Variants in HTR2C observed in about 807,000 individuals in gnomAD.
HTR2C encodes 5-hydroxytryptamine (serotonin) receptor 2C, G protein-coupled.
A neutral mutation model predicts 21.0 loss-of-function variants in HTR2C; 5 were observed. That is an observed-to-expected ratio of 0.24 (90% confidence interval 0.12 to 0.50). HTR2C has a LOEUF of 0.50. Among genes scored for constraint, HTR2C ranks in the 20% least tolerant of loss-of-function variants. HTR2C has a pLI of 0.98. For missense variants in HTR2C, 271 were observed against 371.2 expected (o/e 0.73, Z 2.22); for synonymous variants, 150 against 145.3 (o/e 1.03, Z -0.23).
intron 2 of HTR2C, among the ~76,000 whole-genome samples, chrX:114,671,900 T>C (rs1931390182): frequency 1.8e-5 from 2 of 111,838 alleles, no homozygotes; most frequent in African/African-American, 6.5e-5. Flanking sequence ...ACTCGCAACA[T>C]ACTTGAGCAT....
At chrX:114,605,976 C>T (rs1313666259) in intron 1 of HTR2C, among the ~76,000 whole-genome samples, 5 of 95,478 alleles carry the variant, frequency 5.2e-5, no homozygotes, top group African/African-American at 8.1e-5. Flanking sequence ...CACAGAGATA[C>T]GAGGTTGGGG....
chrX:114,832,608 A>G (rs1301989809), intron 4 of HTR2C, among the ~76,000 whole-genome samples: 2 of 34,165 alleles, frequency 5.9e-5, no homozygotes, highest in African/African-American at 1.2e-4. Context: ...GGCTGAGACA[A>G]TGGGGTTTTC....
intron 4 of HTR2C, among the ~76,000 whole-genome samples, chrX:114,834,492 A>G (rs1602856778): frequency 2.7e-5 from 3 of 110,429 alleles, no homozygotes; most frequent in Non-Finnish European, 3.8e-5. Flanking sequence ...TGTTGATTTA[A>G]AGTCTGTTTT....
chrX:114,649,692 T>G (rs936501556), intron 2 of HTR2C, among the ~76,000 whole-genome samples: 1 of 111,140 alleles, frequency 9.0e-6, no homozygotes, highest in Non-Finnish European at 1.9e-5. Context: ...CTCGGCTCTC[T>G]GCAACCTCTG....
chrX:114,843,804 C>T lies in HTR2C; in HGVS notation c.350-4199C>T, dbSNP rs185295369. ...ATTTCTCTACAGAGACCATGGAGGC[C>T]GGAAGCAGTGAGATGACATATTTAA... On this transcript the variant is annotated intron_variant, in intron 4 of 5. Transcript: ENST00000276198. 2.7e-3 allele frequency among the ~76,000 whole-genome samples: 295 copies of T among 111,074 alleles called. 1 individual carries two copies. The highest frequency in any genetic ancestry group is 9.2e-3 in the African/African-American group (282 of 30,636).
intron 2 of HTR2C, among the ~76,000 whole-genome samples, chrX:114,696,179 A>G (rs1167818695): frequency 8.9e-6 from 1 of 111,858 alleles, no homozygotes; most frequent in Non-Finnish European, 1.9e-5. Context: ...TACATTAAGC[A>G]TACCAGGAAA....
intron 2 of HTR2C, among the ~76,000 whole-genome samples, chrX:114,638,701 G>A (rs1267770383): frequency 1.4e-5 from 1 of 71,230 alleles, no homozygotes; most frequent in Non-Finnish European, 2.4e-5. Context: ...ACAGTCCCCA[G>A]AGTGTGATAT....
At chrX:114,595,442 G>T (rs1927795473) in intron 1 of HTR2C, among the ~76,000 whole-genome samples, 1 of 109,437 alleles carries the variant, frequency 9.1e-6, no homozygotes, top group Admixed American at 9.9e-5. Context: ...GCCCAGGCTG[G>T]TCTCGCACTC....
chrX:114,695,714 C>G (rs1053752530), intron 2 of HTR2C, among the ~76,000 whole-genome samples: 3 of 111,651 alleles, frequency 2.7e-5, no homozygotes, highest in Non-Finnish European at 5.6e-5. Flanking sequence ...CAACACTGTG[C>G]AAATAGTAGC....
At chrX:114,857,500 A>G (rs1316741113) in intron 5 of HTR2C, among the ~76,000 whole-genome samples, 4 of 111,077 alleles carry the variant, frequency 3.6e-5, no homozygotes, top group African/African-American at 1.3e-4. Flanking sequence ...CTGACTCATA[A>G]TGTTGGGCAC....
intron 4 of HTR2C, among the ~76,000 whole-genome samples, chrX:114,779,155 A>G (rs1366585674): frequency 2.7e-5 from 3 of 111,123 alleles, no homozygotes; most frequent in Non-Finnish European, 5.7e-5. Flanking sequence ...AGTACAGTAG[A>G]TATCAGGACA....
chrX:114,867,830 G>A (rs1036230104), intron 5 of HTR2C, among the ~76,000 whole-genome samples: 3 of 107,496 alleles, frequency 2.8e-5, no homozygotes, highest in African/African-American at 6.8e-5. Flanking sequence ...GTGTAGATTC[G>A]TTTCTGGTCT....
chrX:114,763,146 CATCCATCATCTGCCACTGGGT>C (rs2069898796), intron 4 of HTR2C: 1 of 125,816 alleles, frequency 7.9e-6, no homozygotes, highest in Non-Finnish European at 1.9e-5. Flanking sequence ...TCCCACTGGG[CATCCATCATCTGCCACTGGGT>C]ATCCATCATC....
intron 1 of HTR2C, among the ~76,000 whole-genome samples, chrX:114,603,538 T>C (rs1928240870): frequency 9.6e-6 from 1 of 104,505 alleles, no homozygotes; most frequent in African/African-American, 3.5e-5. Flanking sequence ...GGTGCTGGGG[T>C]TTGAGAGATC....
intron 1 of HTR2C, among the ~76,000 whole-genome samples, chrX:114,595,496 T>C (rs1476897120): frequency 9.1e-6 from 1 of 110,294 alleles, no homozygotes; most frequent in Non-Finnish European, 1.9e-5. Context: ...GTGCTGGGAT[T>C]GCAAGCACGA....
chrX:114,791,018 A>C (rs934046421), intron 4 of HTR2C, among the ~76,000 whole-genome samples: 1 of 111,879 alleles, frequency 8.9e-6, no homozygotes, highest in Admixed American at 9.5e-5. Flanking sequence ...AAAGAAAAGC[A>C]AACAAAATGT....
chrX:114,824,676 G>A (rs782026672), intron 4 of HTR2C, among the ~76,000 whole-genome samples: 31 of 112,022 alleles, frequency 2.8e-4, no homozygotes, highest in Non-Finnish European at 5.3e-4. Flanking sequence ...CTATGCATTC[G>A]AATCTGGGAT....
intron 4 of HTR2C, among the ~76,000 whole-genome samples, chrX:114,836,246 T>G (rs1459915622): frequency 1.8e-5 from 2 of 111,287 alleles, no homozygotes; most frequent in Non-Finnish European, 3.8e-5. Context: ...AGTTCGAGCT[T>G]CCTGGCTGCT....
At chrX:114,615,509 G>A (rs1219653582) in intron 2 of HTR2C, among the ~76,000 whole-genome samples, 1 of 112,034 alleles carries the variant, frequency 8.9e-6, no homozygotes, top group Non-Finnish European at 1.9e-5. Flanking sequence ...TGTTTTCAAT[G>A]CGTTGGTGAA....
Sources: gnomAD v4.1 joint callset for allele counts (sites outside exome capture counted in the v4.1 genomes callset) on GRCh38, gnomAD v4.1.1 for gene constraint, MANE v1.5 for transcripts, NCBI Gene and HGNC (gene_info 2026-07-23, HGNC 2026-07-21) for gene names.